The following NXPE4 variants were observed in gnomAD, a reference collection of about 807,000 sequenced individuals.
The protein encoded by NXPE4 is neurexophilin and PC-esterase domain family member 4.
In NXPE4, 42 loss-of-function variants were observed where a neutral mutation model predicts 33.3. The observed-to-expected ratio is 1.26, with a 90% CI of 0.98 to 1.63. The LOEUF is 1.63. Ranked by LOEUF, NXPE4 falls within the 40% of genes most tolerant of loss-of-function variation. NXPE4 has a pLI of 0.00. For synonymous variants in NXPE4, 253 were observed against 234.9 expected, an observed-to-expected ratio of 1.08 and a Z score of -0.71; for missense variants, 709 against 647.6, an observed-to-expected ratio of 1.09 and a Z score of -1.03.
chr11:114,597,178 A>G (rs1190586510), upstream of NXPE4, among the ~76,000 whole-genome samples: 3 of 152,230 alleles, frequency 2.0e-5, no homozygotes, highest in African/African-American at 7.2e-5. Context: ...TATTTCTTTT[A>G]AAAAGTGGTA....
At chr11:114,625,032 G>T in the NXPE4 span, among the ~76,000 whole-genome samples, 64,322 of 149,968 alleles carry the variant, frequency 0.43, 14,845 homozygotes, top group African/African-American at 0.61. Flanking sequence ...TGTTGCCTCG[G>T]GGGTAAACAC....
At chr11:114,618,831 C>T in the NXPE4 span, among the ~76,000 whole-genome samples, 1 of 151,896 alleles carries the variant, frequency 6.6e-6, no homozygotes, top group Non-Finnish European at 1.5e-5. Flanking sequence ...AGTATTGCCT[C>T]GTGGGCAACC....
At chr11:114,580,884 A>G (rs955357050) in intron 4 of NXPE4, among the ~76,000 whole-genome samples, 3 of 152,196 alleles carry the variant, frequency 2.0e-5, no homozygotes, top group Non-Finnish European at 4.4e-5. Context: ...TGAACCCCTC[A>G]GTCACTGGTT....
chr11:114,614,686 G>T, the NXPE4 span, among the ~76,000 whole-genome samples: 2 of 151,510 alleles, frequency 1.3e-5, no homozygotes, highest in Non-Finnish European at 2.9e-5. Flanking sequence ...GTGTTGCCTC[G>T]TGGGTAACCA....
At chr11:114,641,442 C>T in the NXPE4 span, among the ~76,000 whole-genome samples, 1 of 151,972 alleles carries the variant, frequency 6.6e-6, no homozygotes, top group Middle Eastern at 3.4e-3. Context: ...AATGAAATTG[C>T]AAAATATTTG....
At chr11:114,589,486 G>A (rs947038139) in intron 2 of NXPE4, among the ~76,000 whole-genome samples, 2 of 152,048 alleles carry the variant, frequency 1.3e-5, no homozygotes, top group Non-Finnish European at 2.9e-5. Context: ...AGGTGCAGTT[G>A]GGGGGACATA....
chr11:114,668,858 C>T, the NXPE4 span, among the ~76,000 whole-genome samples: 1 of 151,970 alleles, frequency 6.6e-6, no homozygotes, highest in Admixed American at 6.6e-5. Context: ...ACAATATTTG[C>T]AAAACTCTGA....
chr11:114,580,469 G>A (rs1258523318), intron 4 of NXPE4, 131 bp from the exon 5 acceptor site: 6 of 696,354 alleles, frequency 8.6e-6, no homozygotes, highest in Non-Finnish European at 1.4e-5. Flanking sequence ...AAGTATTACT[G>A]AAGTATTCTC....
the NXPE4 span, among the ~76,000 whole-genome samples, chr11:114,601,236 TC>T: frequency 2.6e-5 from 4 of 151,020 alleles, no homozygotes; most frequent in South Asian, 8.3e-4. Context: ...TCATCCCATT[TC>T]CCTTCCCATG....
chr11:114,674,306 C>T, the NXPE4 span, among the ~76,000 whole-genome samples: 1 of 151,390 alleles, frequency 6.6e-6, no homozygotes, highest in Non-Finnish European at 1.5e-5. Context: ...ATAAAAATAA[C>T]ACAATGGGAA....
intron 2 of NXPE4, chr11:114,583,234 G>C: frequency 1.5e-6 from 1 of 688,610 alleles, no homozygotes; most frequent in Non-Finnish European, 2.5e-6. Context: ...GAGAGACAGA[G>C]GGACAGGAAG....
At chr11:114,632,614 A>C in the NXPE4 span, among the ~76,000 whole-genome samples, 2 of 101,810 alleles carry the variant, frequency 2.0e-5, no homozygotes. Flanking sequence ...TTTATATTTT[A>C]TATATATTTA....
At chr11:114,594,793 A>G (rs776901660) in intron 1 of NXPE4, 24 bp from the exon 2 acceptor site, 1 of 1,190,684 alleles carries the variant, frequency 8.4e-7, no homozygotes, top group Non-Finnish European at 1.2e-6. Flanking sequence ...TACAAAAACA[A>G]GCACAAAAAC....
the NXPE4 span, among the ~76,000 whole-genome samples, chr11:114,633,202 A>T: frequency 1.2e-3 from 158 of 128,578 alleles, no homozygotes; most frequent in African/African-American, 4.2e-3. Context: ...TTATGTATAA[A>T]CATGTATATT....
At chr11:114,673,356 C>G in the NXPE4 span, among the ~76,000 whole-genome samples, 2 of 151,326 alleles carry the variant, frequency 1.3e-5, no homozygotes, top group Non-Finnish European at 3.0e-5. Context: ...TGTGGCTGTT[C>G]ACACCCATAT....
chr11:114,599,852 G>C (rs1171460045), upstream of NXPE4, among the ~76,000 whole-genome samples: 2 of 151,952 alleles, frequency 1.3e-5, no homozygotes, highest in Non-Finnish European at 2.9e-5. Context: ...TCCAACACTG[G>C]GGATTAGAAT....
At chr11:114,603,995 C>T in the NXPE4 span, among the ~76,000 whole-genome samples, 4 of 151,420 alleles carry the variant, frequency 2.6e-5, no homozygotes, top group Non-Finnish European at 2.9e-5. Context: ...AGTATTGCCT[C>T]GTCTCCTAGG....
the NXPE4 span, among the ~76,000 whole-genome samples, chr11:114,674,400 C>T: frequency 2.0e-5 from 3 of 151,620 alleles, no homozygotes; most frequent in African/African-American, 7.3e-5. Flanking sequence ...CACTTAGCTA[C>T]ATAAAGACTA....
chr11:114,605,158 A>T, the NXPE4 span, among the ~76,000 whole-genome samples: 2 of 151,252 alleles, frequency 1.3e-5, no homozygotes, highest in Admixed American at 1.3e-4. Flanking sequence ...TTTCCCAGGG[A>T]TAATAAGTGT....
Sources: gnomAD v4.1 joint callset for allele counts (sites outside exome capture counted in the v4.1 genomes callset) on GRCh38, gnomAD v4.1.1 for gene constraint, MANE v1.5 for transcripts, NCBI Gene and HGNC (gene_info 2026-07-23, HGNC 2026-07-21) for gene names.